The following ST8SIA4 variants were observed in gnomAD, a reference collection of about 807,000 sequenced individuals.
The protein encoded by ST8SIA4 is CMP-N-acetylneuraminate-poly-alpha-2,8-sialyltransferase.
Under a neutral mutation model 33.9 loss-of-function variants are expected in ST8SIA4, and 15 were observed. The ratio of observed to expected loss-of-function variants is 0.44; its 90% CI spans 0.30 to 0.68. ST8SIA4 has a LOEUF of 0.68. Among genes scored for constraint, ST8SIA4 ranks in the 30% least tolerant of loss-of-function variants. The pLI, the probability that ST8SIA4 is intolerant of heterozygous loss-of-function variation, is 0.10. For missense variants in ST8SIA4, 321 were observed against 428.0 expected (o/e 0.75, Z 2.21); for synonymous variants, 171 against 151.2 (o/e 1.13, Z -0.96).
At chr5:100,862,651 C>T (rs1374064781) in intron 3 of ST8SIA4, among the ~76,000 whole-genome samples, 4 of 152,202 alleles carry the variant, frequency 2.6e-5, no homozygotes, top group African/African-American at 9.6e-5. Flanking sequence ...ATCCACCCGC[C>T]TCTGCCTCCC....
At chr5:100,892,108 C>T (rs952142187) in intron 2 of ST8SIA4, among the ~76,000 whole-genome samples, 1 of 151,980 alleles carries the variant, frequency 6.6e-6, no homozygotes, top group African/African-American at 2.4e-5. Context: ...TACATTTGTA[C>T]ATTTCTATAC....
chr5:100,870,966 A>C (rs1448125633), intron 3 of ST8SIA4, among the ~76,000 whole-genome samples: 1 of 152,124 alleles, frequency 6.6e-6, no homozygotes, highest in Non-Finnish European at 1.5e-5. Flanking sequence ...AAGCAATGTT[A>C]CTATTCCTAA....
intron 4 of ST8SIA4, 33 bp downstream of exon 4, chr5:100,856,070 C>A: frequency 6.2e-7 from 1 of 1,600,454 alleles, no homozygotes; most frequent in Non-Finnish European, 8.5e-7. Context: ...TTCCACTGTG[C>A]CAAGGACAAA....
chr5:100,897,979 G>C (rs1328917797), intron 1 of ST8SIA4, among the ~76,000 whole-genome samples: 1 of 152,126 alleles, frequency 6.6e-6, no homozygotes, highest in African/African-American at 2.4e-5. Flanking sequence ...CACACTTTGG[G>C]AGATATGACT....
chr5:100,831,138 T>C (rs920843105), intron 4 of ST8SIA4, among the ~76,000 whole-genome samples: 2 of 152,248 alleles, frequency 1.3e-5, no homozygotes, highest in Non-Finnish European at 2.9e-5. Flanking sequence ...TTTGTCTACC[T>C]AAATTAACTT....
At chr5:100,881,335 T>A (rs1460114454) in intron 3 of ST8SIA4, among the ~76,000 whole-genome samples, 1 of 152,226 alleles carries the variant, frequency 6.6e-6, no homozygotes, top group East Asian at 1.9e-4. Flanking sequence ...TATTCTTATA[T>A]AATAACTCTC....
At chr5:100,825,632 G>C (rs1195505717) in intron 4 of ST8SIA4, among the ~76,000 whole-genome samples, 1 of 152,190 alleles carries the variant, frequency 6.6e-6, no homozygotes, top group East Asian at 1.9e-4. Context: ...AACAGGCTCT[G>C]AAAGTGCAGG....
chr5:100,861,010 A>G (rs1751928199), intron 3 of ST8SIA4, among the ~76,000 whole-genome samples: 1 of 152,232 alleles, frequency 6.6e-6, no homozygotes, highest in Admixed American at 6.5e-5. Context: ...TCAAAATGAT[A>G]CTAGAAAGTA....
intron 4 of ST8SIA4, among the ~76,000 whole-genome samples, chr5:100,853,837 A>C (rs1751753777): frequency 6.6e-6 from 1 of 152,210 alleles, no homozygotes; most frequent in African/African-American, 2.4e-5. Context: ...GGATTGAGAA[A>C]TATAAACCAA....
chr5:100,849,095 A>C (rs1006788009), intron 4 of ST8SIA4: 2 of 931,540 alleles, frequency 2.1e-6, no homozygotes, highest in Non-Finnish European at 2.6e-6. Flanking sequence ...CATAATTACC[A>C]AAAATTTAAT....
At chr5:100,815,807 C>A (rs1750904523) in intron 4 of ST8SIA4, among the ~76,000 whole-genome samples, 1 of 152,048 alleles carries the variant, frequency 6.6e-6, no homozygotes, top group South Asian at 2.1e-4. Context: ...GAGAAAGCTG[C>A]TTCACTTCTT....
chr5:100,848,623 TAA>T (rs1255362532), intron 4 of ST8SIA4, among the ~76,000 whole-genome samples: 1 of 150,154 alleles, frequency 6.7e-6, no homozygotes, highest in Non-Finnish European at 1.5e-5. Context: ...ATAGACTATA[TAA>T]AGTCTGTACA....
chr5:100,813,745 G>T (rs1325509383), intron 4 of ST8SIA4, among the ~76,000 whole-genome samples: 3 of 151,948 alleles, frequency 2.0e-5, no homozygotes, highest in Non-Finnish European at 4.4e-5. Flanking sequence ...AGAAAGTATT[G>T]TGAATGTGAT....
At chr5:100,824,534 T>C (rs1751099069) in intron 4 of ST8SIA4, among the ~76,000 whole-genome samples, 1 of 152,116 alleles carries the variant, frequency 6.6e-6, no homozygotes, top group South Asian at 2.1e-4. Context: ...ATCCTACATT[T>C]TGAACATTCA....
At chr5:100,872,828 C>T (rs1451404670) in intron 3 of ST8SIA4, among the ~76,000 whole-genome samples, 1 of 150,382 alleles carries the variant, frequency 6.6e-6, no homozygotes, top group East Asian at 1.9e-4. Flanking sequence ...TACCTATTGA[C>T]CAACCTCAGT....
intron 3 of ST8SIA4, among the ~76,000 whole-genome samples, chr5:100,864,116 T>C (rs545781741): frequency 6.6e-6 from 1 of 152,232 alleles, no homozygotes; most frequent in African/African-American, 2.4e-5. Flanking sequence ...AAAAAATGAA[T>C]AAATTAAAAT....
At chr5:100,833,757 C>A (rs769860989) in intron 4 of ST8SIA4, among the ~76,000 whole-genome samples, 5 of 152,096 alleles carry the variant, frequency 3.3e-5, no homozygotes, top group Non-Finnish European at 5.9e-5. Context: ...CTGTTCTTGG[C>A]ATTAACTAGA....
intron 4 of ST8SIA4, chr5:100,849,260 T>C (rs1751634495): frequency 1.0e-6 from 1 of 984,886 alleles, no homozygotes; most frequent in South Asian, 4.7e-5. Context: ...ATTATATACA[T>C]TGGTACGTAT....
rs1750733628 is a variant in ST8SIA4 at position 100,808,223 on chromosome 5, C to T, written c.*3624G>A. On this transcript the variant is annotated 3_prime_UTR_variant, in exon 5 of 5. Coordinates refer to ENST00000231461, the MANE Select transcript of ST8SIA4 (RefSeq NM_005668.6). ...GAATAACTAATTGGTATGTACACTA[C>T]CCCTAGCATTACTTAAATAAATTGC... The T allele has an allele frequency of 6.6e-6, 1 of 152,556 alleles. No homozygotes were observed. Among genetic ancestry groups the T allele is most frequent in the Non-Finnish European group, 1.5e-5 (1 of 67,996 alleles). The allele number at this position is 152,556 out of a possible 1,614,324, so 9.5% of individuals were successfully genotyped here.
Sources: gnomAD v4.1 joint callset for allele counts (sites outside exome capture counted in the v4.1 genomes callset) on GRCh38, gnomAD v4.1.1 for gene constraint, MANE v1.5 for transcripts, NCBI Gene and HGNC (gene_info 2026-07-23, HGNC 2026-07-21) for gene names.